Variants in ARID1B observed in about 807,000 individuals in gnomAD.
ARID1B encodes AT-rich interactive domain-containing protein 1B.
ARID1B carries 30 observed loss-of-function variants against 212.3 expected under a neutral mutation model. The observed-to-expected ratio is 0.14, with a 90% CI of 0.11 to 0.19. ARID1B has a LOEUF of 0.19. ARID1B is among the 10% of genes least tolerant of loss of function. The pLI is 1.00. For synonymous variants in ARID1B, 1,402 were observed against 1,301.7 expected, an observed-to-expected ratio of 1.08 and a Z score of -1.66; for missense variants, 2,891 against 3,204.0, an observed-to-expected ratio of 0.90 and a Z score of 2.36.
chr6:157,138,997 A>T (rs1789143947), intron 7 of ARID1B, among the ~76,000 whole-genome samples: 5 of 152,184 alleles, frequency 3.3e-5, no homozygotes, highest in Admixed American at 3.3e-4. Context: ...GTAAGCGTGA[A>T]TTTTTCTTAG....
At chr6:156,829,720 GAA>G (rs1238202302) in intron 2 of ARID1B, 2 of 239,002 alleles carry the variant, frequency 8.4e-6, no homozygotes, top group Non-Finnish European at 1.6e-5. Context: ...GCTCTGAAGT[GAA>G]CTTGGCATTC....
chr6:157,026,701 TGGG>T (rs559965296), intron 4 of ARID1B, among the ~76,000 whole-genome samples: 3 of 152,110 alleles, frequency 2.0e-5, no homozygotes, highest in Non-Finnish European at 4.4e-5. Context: ...ATTTTTGAGA[TGGG>T]GGGGTCTCAC....
chr6:156,916,516 A>T (rs1790370055), intron 3 of ARID1B, among the ~76,000 whole-genome samples: 1 of 152,158 alleles, frequency 6.6e-6, no homozygotes, highest in African/African-American at 2.4e-5. Context: ...TTTACATCCT[A>T]GCTTACTTCC....
chr6:157,186,472 G>A (rs1792983929), intron 13 of ARID1B: 4 of 471,154 alleles, frequency 8.5e-6, no homozygotes, highest in African/African-American at 4.0e-5. Flanking sequence ...GCGTCTGGGG[G>A]TCGCAGGCAG....
chr6:157,162,673 A>C (rs1791021563), intron 8 of ARID1B, among the ~76,000 whole-genome samples: 1 of 152,190 alleles, frequency 6.6e-6, no homozygotes, highest in South Asian at 2.1e-4. Context: ...GCAGGTCAGC[A>C]TGTTTAAGTA....
At chr6:156,809,984 G>A (rs2127980271) in intron 1 of ARID1B, among the ~76,000 whole-genome samples, 1 of 152,322 alleles carries the variant, frequency 6.6e-6, no homozygotes, top group South Asian at 2.1e-4. Flanking sequence ...CACAGCATGT[G>A]GCTGAGGAAT....
intron 3 of ARID1B, among the ~76,000 whole-genome samples, chr6:156,902,735 C>CAAAAAA (rs869259426): frequency 3.2e-5 from 2 of 61,676 alleles, no homozygotes; most frequent in African/African-American, 5.2e-5. Context: ...GACTCTGTCT[C>CAAAAAA]AAAAAAAAAA....
chr6:157,114,073 C>T (rs1787139504), intron 6 of ARID1B, among the ~76,000 whole-genome samples: 1 of 152,140 alleles, frequency 6.6e-6, no homozygotes, highest in Non-Finnish European at 1.5e-5. Context: ...TCTAAGAAAA[C>T]TCTTACTAGG....
intron 5 of ARID1B, among the ~76,000 whole-genome samples, chr6:157,103,885 G>C (rs1031028013): frequency 6.8e-6 from 1 of 147,088 alleles, no homozygotes; most frequent in Non-Finnish European, 1.5e-5. Context: ...GCCCAGGCTG[G>C]AGGGCAGTAA....
chr6:156,966,533 A>G (rs961895014), intron 4 of ARID1B, among the ~76,000 whole-genome samples: 1 of 150,120 alleles, frequency 6.7e-6, no homozygotes, highest in African/African-American at 2.5e-5. Flanking sequence ...AGGTGGTATT[A>G]CAGGCACCTG....
intron 4 of ARID1B, among the ~76,000 whole-genome samples, chr6:157,046,239 TC>T: frequency 1.3e-5 from 2 of 152,252 alleles, no homozygotes; most frequent in Middle Eastern, 6.8e-3. Context: ...AATACACAAG[TC>T]TAAAACTCAG....
At chr6:157,147,227 A>ACCCCAG (rs1239946006) in intron 7 of ARID1B, among the ~76,000 whole-genome samples, 10 of 192 alleles carry the variant, frequency 0.052, no homozygotes, top group East Asian at 0.17. Context: ...TCCGTCCCTC[A>ACCCCAG]CCTCCGACCC....
intron 1 of ARID1B, among the ~76,000 whole-genome samples, chr6:156,797,171 A>G (rs566472203): frequency 6.6e-6 from 1 of 152,152 alleles, no homozygotes; most frequent in South Asian, 2.1e-4. Flanking sequence ...AGAGTGTTCT[A>G]GGGGCTGGGG....
chr6:156,995,694 G>A (rs767580107), intron 4 of ARID1B, among the ~76,000 whole-genome samples: 4 of 152,208 alleles, frequency 2.6e-5, no homozygotes, highest in Non-Finnish European at 5.9e-5. Context: ...ATTATCGTCA[G>A]TGCTGTACCA....
chr6:156,849,935 G>T (rs1562433608), intron 2 of ARID1B, among the ~76,000 whole-genome samples: 1 of 151,046 alleles, frequency 6.6e-6, no homozygotes. Flanking sequence ...ACCCAGTGCT[G>T]TCTTTTTTTG....
intron 10 of ARID1B, 72 bp from the exon 11 acceptor site, chr6:157,174,775 G>A (rs1046106630): frequency 1.6e-5 from 18 of 1,145,198 alleles, no homozygotes; most frequent in Non-Finnish European, 2.0e-5. Flanking sequence ...TAAAGTGGAT[G>A]TACTTTTTGT....
intron 6 of ARID1B, among the ~76,000 whole-genome samples, chr6:157,132,530 G>A (rs1788619138): frequency 6.6e-6 from 1 of 152,156 alleles, no homozygotes; most frequent in South Asian, 2.1e-4. Flanking sequence ...GGACACCAGA[G>A]GGGAGAAAAA....
chr6:156,969,192 A>G (rs1205347160), intron 4 of ARID1B, among the ~76,000 whole-genome samples: 1 of 152,228 alleles, frequency 6.6e-6, no homozygotes, highest in Non-Finnish European at 1.5e-5. Context: ...CTCAGTGGAC[A>G]CTGAGTAAAG....
rs561500041 is a variant in ARID1B at position 157,094,644 on chromosome 6, C to T, written c.2491+9739C>T. 1.3e-5 allele frequency among the ~76,000 whole-genome samples: 2 copies of T among 152,138 alleles called. No homozygotes were observed. Among genetic ancestry groups the T allele is most frequent in the African/African-American group, 2.4e-5 (1 of 41,428 alleles). The stretch of plus-strand genomic sequence containing the variant: ...TGCTAGGATTACAGGCGTGAGCCAC[C>T]GCGCCTGGCCGATTTAGGAGTTTAA... On this transcript the variant is annotated intron_variant, in intron 5 of 19. Transcript: ENST00000636930. This position sits in a 1 kb window ranked among gnomAD's most constrained non-coding sequence, Gnocchi z 4.3.
Sources: allele counts gnomAD v4.1 joint callset (sites outside exome capture counted in the v4.1 genomes callset), GRCh38; gene constraint gnomAD v4.1.1; non-coding constraint Gnocchi (gnomAD v3.1); transcripts MANE v1.5; gene names NCBI Gene and HGNC (gene_info 2026-07-23, HGNC 2026-07-21).